Variants in MYO18B observed in about 807,000 individuals in gnomAD.
The protein encoded by MYO18B is myosin XVIIIB, also known as unconventional myosin-XVIIIb.
MYO18B carries 204 observed loss-of-function variants against 273.0 expected under a neutral mutation model. That is an observed-to-expected ratio of 0.75 (90% confidence interval 0.67 to 0.84). MYO18B has a LOEUF of 0.84. MYO18B is among the 40% of genes least tolerant of loss of function. The pLI is 0.00. For missense variants in MYO18B, 3,212 were observed against 3,287.6 expected, an observed-to-expected ratio of 0.98 and a Z score of 0.56; for synonymous variants, 1,330 against 1,305.7, an observed-to-expected ratio of 1.02 and a Z score of -0.40.
At chr22:25,891,910 C>T (rs1053536781) in intron 27 of MYO18B, among the ~76,000 whole-genome samples, 1 of 152,040 alleles carries the variant, frequency 6.6e-6, no homozygotes, top group Non-Finnish European at 1.5e-5. Context: ...CACCTGAAGT[C>T]CCAGCTACTT....
chr22:25,820,364 A>G (rs1040097213), intron 12 of MYO18B, among the ~76,000 whole-genome samples: 3 of 152,034 alleles, frequency 2.0e-5, no homozygotes, highest in Non-Finnish European at 2.9e-5. Flanking sequence ...GTCCTTTTCC[A>G]AATTTCTAGT....
chr22:25,956,412 C>T (rs2092852770), intron 39 of MYO18B, among the ~76,000 whole-genome samples: 1 of 152,158 alleles, frequency 6.6e-6, no homozygotes, highest in African/African-American at 2.4e-5. Flanking sequence ...GACAGGGTTT[C>T]ACTTTGTGGC....
chr22:25,934,082 A>G (rs1373394643), intron 34 of MYO18B, among the ~76,000 whole-genome samples: 1 of 152,122 alleles, frequency 6.6e-6, no homozygotes, highest in African/African-American at 2.4e-5. Flanking sequence ...TCTGATGTTC[A>G]CCTTTTCAAA....
chr22:25,786,489 G>A (rs1473986995), intron 11 of MYO18B, among the ~76,000 whole-genome samples: 3 of 56,398 alleles, frequency 5.3e-5, no homozygotes, highest in Admixed American at 2.4e-4. Context: ...GGATATCCTG[G>A]TGCAAAAAAA....
At chr22:25,821,171 T>A (rs2089264583) in intron 12 of MYO18B, among the ~76,000 whole-genome samples, 1 of 152,220 alleles carries the variant, frequency 6.6e-6, no homozygotes, top group African/African-American at 2.4e-5. Context: ...CTGATTTCCT[T>A]GGGATAAATG....
rs1411069466 is a variant in MYO18B, at chr22:25,846,301, C to T, written c.3552+18C>T. The T allele has an allele frequency of 6.2e-7, 1 of 1,608,558 alleles. No homozygotes were observed. Among genetic ancestry groups the T allele is most frequent in the African/African-American group, 1.3e-5 (1 of 74,846 alleles). ...TGCAGATGGTGAGTGGGCACCCTGT[C>T]TCATGGTGTCCTGGCCTTCACTGCC... On this transcript the variant is annotated intron_variant, in intron 19 of 43. Coordinates refer to ENST00000335473, the MANE Select transcript of MYO18B (RefSeq NM_032608.7).
chr22:25,993,364 A>G (rs1041770263), intron 40 of MYO18B, among the ~76,000 whole-genome samples: 2 of 152,152 alleles, frequency 1.3e-5, no homozygotes, highest in Non-Finnish European at 2.9e-5. Context: ...TGGGTAGCAG[A>G]GAAGACACTT....
chr22:25,906,668 A>T (rs1459915425), intron 31 of MYO18B, among the ~76,000 whole-genome samples: 2 of 152,124 alleles, frequency 1.3e-5, no homozygotes, highest in Non-Finnish European at 2.9e-5. Context: ...GAGACTGGGT[A>T]ATTTATGCAA....
chr22:25,796,803 C>A (rs1023956028), intron 11 of MYO18B, among the ~76,000 whole-genome samples: 1 of 152,176 alleles, frequency 6.6e-6, no homozygotes, highest in African/African-American at 2.4e-5. Flanking sequence ...GGGCACGTAT[C>A]AGTATTTACC....
At chr22:26,008,147 C>T (rs1934587740) in intron 42 of MYO18B, among the ~76,000 whole-genome samples, 3 of 152,178 alleles carry the variant, frequency 2.0e-5, no homozygotes, top group Admixed American at 2.0e-4. Context: ...TCATCTCATT[C>T]TTTGTAATTC....
In MYO18B at chr22:25,816,746, C is replaced by T. The variant is rs140806895; in HGVS notation, c.2522-6759C>T. On this transcript the variant is annotated intron_variant, in intron 12 of 43. Transcript: ENST00000335473. Reference sequence around the variant, plus strand: ...TGTTGACATGACTTTGCCAACATCACGCGGCTGTAAGCAGTGGAGGTGGGA... The same window carrying T: ...TGTTGACATGACTTTGCCAACATCATGCGGCTGTAAGCAGTGGAGGTGGGA... 2.8e-3 allele frequency among the ~76,000 whole-genome samples: 428 copies of T among 152,312 alleles called. 1 individual carries two copies. Among genetic ancestry groups the T allele is most frequent in the African/African-American group, 9.2e-3 (381 of 41,560 alleles).
At chr22:26,061,657 G>C in the MYO18B span, among the ~76,000 whole-genome samples, 4 of 145,182 alleles carry the variant, frequency 2.8e-5, no homozygotes, top group African/African-American at 7.7e-5. Context: ...CACCAAGAAA[G>C]GTCATCTACC....
intron 15 of MYO18B, among the ~76,000 whole-genome samples, 176 bp from the exon 16 acceptor site, chr22:25,832,741 A>C (rs2089755434): frequency 6.6e-6 from 1 of 152,202 alleles, no homozygotes; most frequent in Non-Finnish European, 1.5e-5. Context: ...ATGTATACTT[A>C]AAATGACTAA....
At chr22:25,761,323 T>A (rs1297515678) in intron 2 of MYO18B, among the ~76,000 whole-genome samples, 192 bp downstream of exon 2, 1 of 140,566 alleles carries the variant, frequency 7.1e-6, no homozygotes, top group Non-Finnish European at 1.5e-5. Context: ...AGCTGGACAC[T>A]GATGGCCATA....
At chr22:26,017,084 T>TCTCC (rs71191098) in intron 42 of MYO18B, among the ~76,000 whole-genome samples, 3 of 92,728 alleles carry the variant, frequency 3.2e-5, no homozygotes, top group Admixed American at 1.1e-4. Context: ...TCTCTGTGCC[T>TCTCC]CTCCCTCCCT....
chr22:25,947,977 C>T (rs2092734524), intron 36 of MYO18B, 149 bp downstream of exon 36: 2 of 651,150 alleles, frequency 3.1e-6, no homozygotes, highest in Non-Finnish European at 5.5e-6. Context: ...TGTGCATTTC[C>T]TGTGGTCCTA....
At chr22:25,869,601 CT>C (rs2146152757) in intron 22 of MYO18B, among the ~76,000 whole-genome samples, 1 of 152,172 alleles carries the variant, frequency 6.6e-6, no homozygotes, top group South Asian at 2.1e-4. Context: ...TCTAAGAAAA[CT>C]TTGTCAATGG....
chr22:25,878,104 T>C, intron 25 of MYO18B, 56 bp downstream of exon 25: 1 of 1,351,136 alleles, frequency 7.4e-7, no homozygotes, highest in Non-Finnish European at 1.0e-6. Context: ...ATGTGAGATC[T>C]GTTTAATGGG....
At chr22:25,908,298 G>C in intron 31 of MYO18B, 24 bp from the exon 32 acceptor site, 1 of 1,552,208 alleles carries the variant, frequency 6.4e-7, no homozygotes, top group Non-Finnish European at 8.7e-7. Context: ...TCACCCTCAC[G>C]TGCTGTCCTT....
Sources: allele counts gnomAD v4.1 joint callset (sites outside exome capture counted in the v4.1 genomes callset), GRCh38; gene constraint gnomAD v4.1.1; transcripts MANE v1.5; gene names NCBI Gene and HGNC (gene_info 2026-07-23, HGNC 2026-07-21).